BBOX1: variants seen among roughly 807,000 people sequenced by gnomAD.
BBOX1 encodes the protein gamma-butyrobetaine dioxygenase.
In BBOX1, 35 loss-of-function variants were observed where a neutral mutation model predicts 41.6. The ratio of observed to expected loss-of-function variants is 0.84; its 90% CI spans 0.64 to 1.11. The LOEUF is 1.11. Among genes scored for constraint, BBOX1 ranks in the 50% most tolerant of loss-of-function variants. The pLI is 0.00. For synonymous variants in BBOX1, 163 were observed against 154.7 expected (o/e 1.05, Z -0.40); for missense variants, 458 against 460.6 (o/e 0.99, Z 0.05).
chr11:27,073,456 T>G (rs2033812164), intron 4 of BBOX1, among the ~76,000 whole-genome samples: 1 of 149,868 alleles, frequency 6.7e-6, no homozygotes, highest in Admixed American at 6.6e-5. Flanking sequence ...ACTTTTACAC[T>G]GTTGGTGGGA....
chr11:27,057,445 G>A (rs1179720558), intron 4 of BBOX1, 130 bp downstream of exon 4: 8 of 704,240 alleles, frequency 1.1e-5, no homozygotes, highest in Admixed American at 3.2e-5. Context: ...ATTATGTGGT[G>A]TATTTAAAGT....
chr11:27,087,370 G>A (rs534193092), intron 4 of BBOX1, among the ~76,000 whole-genome samples: 39 of 152,172 alleles, frequency 2.6e-4, no homozygotes, highest in Middle Eastern at 3.4e-3. Flanking sequence ...TCAACTTTGA[G>A]GCAAGACCCT....
chr11:27,125,060 T>C (rs113442344), intron 7 of BBOX1, among the ~76,000 whole-genome samples: 9 of 152,274 alleles, frequency 5.9e-5, no homozygotes, highest in African/African-American at 2.2e-4. Flanking sequence ...TTAAATGAGA[T>C]ACAGCACCAT....
intron 2 of BBOX1, among the ~76,000 whole-genome samples, chr11:27,044,610 A>G (rs1851438230): frequency 1.3e-5 from 2 of 152,094 alleles, no homozygotes; most frequent in South Asian, 4.1e-4. Flanking sequence ...TAATTTTTGG[A>G]TAAGGTGTAA....
intron 4 of BBOX1, among the ~76,000 whole-genome samples, chr11:27,083,510 C>T (rs1857927733): frequency 6.6e-6 from 1 of 152,074 alleles, no homozygotes; most frequent in South Asian, 2.1e-4. Flanking sequence ...CTACCTAACA[C>T]TCTTCCCCCT....
intron 2 of BBOX1, among the ~76,000 whole-genome samples, chr11:27,044,055 C>T (rs1269374757): frequency 6.6e-6 from 1 of 152,256 alleles, no homozygotes; most frequent in Admixed American, 6.5e-5. Context: ...TTTATATTCC[C>T]ACCAACAGTG....
At chr11:27,043,606 G>A (rs959442662) in intron 2 of BBOX1, among the ~76,000 whole-genome samples, 5 of 151,796 alleles carry the variant, frequency 3.3e-5, no homozygotes, top group Non-Finnish European at 7.4e-5. Context: ...CCCCTACCCC[G>A]CCACAGGCCC....
At chr11:27,093,502 T>A in intron 5 of BBOX1, 136 bp downstream of exon 5, 1 of 958,040 alleles carries the variant, frequency 1.0e-6, no homozygotes, top group Non-Finnish European at 1.5e-6. Flanking sequence ...AAAAGAAGAG[T>A]CTAAAAGTAG....
At chr11:27,101,438 G>T (rs1203883563) in intron 5 of BBOX1, among the ~76,000 whole-genome samples, 2 of 152,038 alleles carry the variant, frequency 1.3e-5, no homozygotes, top group Non-Finnish European at 2.9e-5. Flanking sequence ...AAATTTGACT[G>T]CCTCCAACTC....
At chr11:27,061,952 G>C (rs1857145183) in intron 4 of BBOX1, among the ~76,000 whole-genome samples, 1 of 152,102 alleles carries the variant, frequency 6.6e-6, no homozygotes, top group Admixed American at 6.6e-5. Flanking sequence ...AAGTCTGAAA[G>C]GGAACAATAG....
chr11:27,073,827 C>T (rs1025355006), intron 4 of BBOX1, among the ~76,000 whole-genome samples: 2 of 151,990 alleles, frequency 1.3e-5, no homozygotes, highest in Admixed American at 1.3e-4. Context: ...AAACCAAACA[C>T]TTGCATGTTC....
At chr11:27,092,300 G>A (rs1225619692) in intron 4 of BBOX1, among the ~76,000 whole-genome samples, 1 of 151,872 alleles carries the variant, frequency 6.6e-6, no homozygotes, top group Non-Finnish European at 1.5e-5. Context: ...TTTTAGGAAG[G>A]CTTACCTTCC....
intron 4 of BBOX1, among the ~76,000 whole-genome samples, chr11:27,076,578 G>C (rs867192968): frequency 6.6e-6 from 1 of 152,130 alleles, no homozygotes; most frequent in South Asian, 2.1e-4. Context: ...TGCTTGCTTT[G>C]TTACCTAGGG....
chr11:27,098,169 G>T (rs1489650352), intron 5 of BBOX1, among the ~76,000 whole-genome samples: 1 of 151,680 alleles, frequency 6.6e-6, no homozygotes, highest in Non-Finnish European at 1.5e-5. Context: ...GGCCTTTCTT[G>T]CCCTTTTCAC....
rs1859701345 is a variant in BBOX1, at chr11:27,127,308, T to G, written c.1019T>G (p.Phe340Cys). Residue 340 changes from phenylalanine to cysteine, a missense_variant, in exon 9 of 9, where the codon TTT becomes TGT. Phe to Cys is a radical substitution (Grantham distance 205). Coordinates refer to ENST00000263182, the MANE Select transcript of BBOX1 (RefSeq NM_003986.3). The stretch of plus-strand genomic sequence containing the variant: ...TTTTCTTTAGGTGATGTGATTACTT[T>G]TGATAACTGGCGCTTACTTCATGGC... ...FKMNPGDVITFDNWRLLHGRR... is the reference protein window; with the variant it reads ...FKMNPGDVITCDNWRLLHGRR... 1.2e-6 allele frequency: 2 copies of G among 1,613,814 alleles called. No individual in the cohort carries two copies. The highest frequency in any genetic ancestry group is 8.5e-7 in the Non-Finnish European group (1 of 1,179,944).
At chr11:27,060,987 T>C (rs1161579762) in intron 4 of BBOX1, among the ~76,000 whole-genome samples, 1 of 152,196 alleles carries the variant, frequency 6.6e-6, no homozygotes, top group Non-Finnish European at 1.5e-5. Context: ...CTGGGTCACA[T>C]CGCAGTGTCA....
At position 27,083,963 on chromosome 11, in the gene BBOX1, G is replaced by A. The variant is rs12285873; in HGVS notation, c.335-9205G>A. 7.4e-3 allele frequency among the ~76,000 whole-genome samples: 1,132 copies of A among 152,200 alleles called. 12 individuals carry two copies. The highest frequency in any genetic ancestry group is 0.026 in the African/African-American group (1,082 of 41,566). The stretch of plus-strand genomic sequence containing the variant: ...GAAGGGCATTGCAGAGGGTGCCAGT[G>A]CCCTGCCATAGCCCCTTAGCACTTG... On this transcript the variant is annotated intron_variant, in intron 4 of 8. Transcript: ENST00000263182.
At chr11:27,092,347 A>G (rs866421571) in intron 4 of BBOX1, among the ~76,000 whole-genome samples, 14 of 151,920 alleles carry the variant, frequency 9.2e-5, no homozygotes, top group South Asian at 2.1e-4. Context: ...AAGAAATCAA[A>G]CGGATCAGCT....
At chr11:27,077,615 TAAAAAA>T (rs34920955) in intron 4 of BBOX1, among the ~76,000 whole-genome samples, 2 of 137,108 alleles carry the variant, frequency 1.5e-5, no homozygotes, top group African/African-American at 5.5e-5. Context: ...ATCCACCATC[TAAAAAA>T]AAAAAAAAAA....
Sources: gnomAD v4.1 joint callset for allele counts (sites outside exome capture counted in the v4.1 genomes callset) on GRCh38, gnomAD v4.1.1 for gene constraint, MANE v1.5 for transcripts, NCBI Gene and HGNC (gene_info 2026-07-23, HGNC 2026-07-21) for gene names.